Variants in ZBTB43 observed in about 807,000 individuals in gnomAD.
ZBTB43 encodes the protein zinc finger and BTB domain-containing protein 43.
A neutral mutation model predicts 31.1 loss-of-function variants in ZBTB43; 6 were observed. That is an observed-to-expected ratio of 0.19 (90% confidence interval 0.11 to 0.38). The LOEUF (loss-of-function observed/expected upper bound fraction) is 0.38. ZBTB43 is among the 10% of genes least tolerant of loss of function. The pLI, the probability that ZBTB43 is intolerant of heterozygous loss-of-function variation, is 1.00. For synonymous variants in ZBTB43, 212 were observed against 221.7 expected (o/e 0.96, Z 0.39); for missense variants, 379 against 602.1 (o/e 0.63, Z 3.88).
At chr9:126,819,355 T>C (rs924457132) in intron 2 of ZBTB43, among the ~76,000 whole-genome samples, 1 of 151,966 alleles carries the variant, frequency 6.6e-6, no homozygotes, top group East Asian at 1.9e-4. Flanking sequence ...AGCATCATTT[T>C]TCCTGTTGCA....
intron 2 of ZBTB43, among the ~76,000 whole-genome samples, chr9:126,827,102 CT>C (rs890105319): frequency 1.4e-4 from 22 of 152,214 alleles, no homozygotes; most frequent in Admixed American, 1.3e-3. Flanking sequence ...TGTACAATGA[CT>C]TTTCCTATTT....
chr9:126,818,803 G>C (rs1027897103), intron 2 of ZBTB43, among the ~76,000 whole-genome samples: 1 of 152,106 alleles, frequency 6.6e-6, no homozygotes, highest in Non-Finnish European at 1.5e-5. Flanking sequence ...TGTTCATAAG[G>C]GGTATTGGTC....
At position 126,806,773 on chromosome 9, in the gene ZBTB43, T is replaced by G. The variant is rs1290421811; in HGVS notation, c.-147+1641T>G. On this transcript the variant is annotated intron_variant, in intron 1 of 2. Transcript: ENST00000373464. The stretch of plus-strand genomic sequence containing the variant: ...CACAGTTGAACCTGTGTTTATTGAT[T>G]CCTACTCTCTTTACAGCAGTGGGTA... Among the ~76,000 whole-genome samples, 4 of 152,332 alleles carry G rather than the reference T, an allele frequency of 2.6e-5. No homozygotes were observed. In the South Asian group the frequency reaches 6.2e-4, roughly 24 times the overall value.
rs2032919932 is a variant in ZBTB43, at chr9:126,837,974, C to T, written c.*4061C>T. Reference sequence around the variant, plus strand: ...TGCAAGTCAGGTGACTCTTAGGCCACAAAACCATTTGATGATAAACAGATT... The same window carrying T: ...TGCAAGTCAGGTGACTCTTAGGCCATAAAACCATTTGATGATAAACAGATT... On this transcript the variant is annotated 3_prime_UTR_variant, in exon 3 of 3. Coordinates refer to ENST00000373464, the MANE Select transcript of ZBTB43 (RefSeq NM_014007.4). 6.0e-6 allele frequency: 1 copy of T among 166,862 alleles called. No individual in the cohort carries two copies. The highest frequency in any genetic ancestry group is 6.6e-5 in the Admixed American group (1 of 15,252). The allele number at this position is 166,862 out of a possible 1,614,324, so 10.3% of individuals were successfully genotyped here. A position where few individuals can be genotyped will look rare whatever the true frequency, so the allele number is the denominator to read the frequency against.
At chr9:126,812,052 C>T (rs1008199227) in intron 2 of ZBTB43, among the ~76,000 whole-genome samples, 1 of 152,066 alleles carries the variant, frequency 6.6e-6, no homozygotes, top group Non-Finnish European at 1.5e-5. Context: ...TGTCTCCCCT[C>T]AAAGAAACCC....
intron 2 of ZBTB43, among the ~76,000 whole-genome samples, chr9:126,823,324 T>G (rs1447889395): frequency 2.0e-5 from 3 of 152,254 alleles, no homozygotes; most frequent in African/African-American, 4.8e-5. Flanking sequence ...ATTGTTATAT[T>G]TTCTTGATAG....
Position 126,833,262 on chromosome 9 carries a change from A to G in ZBTB43, c.753A>G (p.Leu251=). 1 of 1,613,828 alleles carries G rather than the reference A, an allele frequency of 6.2e-7. No homozygotes were observed. The highest frequency in any genetic ancestry group is 8.5e-7 in the Non-Finnish European group (1 of 1,179,926). ...KRWIHVKPER[L]EQACEGMDVH... is the part of the protein sequence containing the mutation. ...GGATCCACGTGAAGCCCGAGCGCTT[A>G]GAACAGGCTTGCGAGGGCATGGATG... The change falls in exon 3 of 3, where the codon TTA becomes TTG. Residue 251 remains leucine, a synonymous_variant. Coordinates refer to ENST00000373464, the MANE Select transcript of ZBTB43 (RefSeq NM_014007.4). The surrounding 1 kb of genome is among the most constrained non-coding windows in gnomAD (Gnocchi z 7.9).
rs902126317 is a variant in ZBTB43 at position 126,833,508 on chromosome 9, T to G, written c.999T>G (p.Asn333Lys). ...EEFSGERSDG[N>K]LIGHRQEAAL... ...TTTCCGGAGAGAGGTCAGATGGGAA[T>G]CTAATTGGGCACAGACAGGAGGCTG... is the stretch of plus-strand genomic sequence containing the variant. The change falls in exon 3 of 3, where the codon AAT becomes AAG. Residue 333 changes from asparagine to lysine, a missense_variant. By Grantham distance (94) the Asn-to-Lys change is moderately conservative (BLOSUM62 0). This residue lies in a region of ZBTB43 where 253 missense variants were observed against 322.3 expected (regional missense o/e 0.79). Transcript: ENST00000373464. The surrounding 1 kb of genome is among the most constrained non-coding windows in gnomAD (Gnocchi z 7.9). 6.2e-7 allele frequency: 1 copy of G among 1,614,074 alleles called. No homozygotes were observed. The highest frequency in any genetic ancestry group is 8.5e-7 in the Non-Finnish European group (1 of 1,180,014).
intron 2 of ZBTB43, among the ~76,000 whole-genome samples, chr9:126,817,617 A>G (rs1348680062): frequency 6.6e-6 from 1 of 151,988 alleles, no homozygotes; most frequent in East Asian, 1.9e-4. Context: ...CTGGGACTAC[A>G]GGTGCCTGCC....
chr9:126,826,335 T>C (rs1444597545), intron 2 of ZBTB43, among the ~76,000 whole-genome samples: 1 of 151,474 alleles, frequency 6.6e-6, no homozygotes, highest in Non-Finnish European at 1.5e-5. Context: ...TTTGTAGAGA[T>C]GGGGTTTCAC....
At position 126,833,122 on chromosome 9, in the gene ZBTB43, C is replaced by G. The variant is rs372523361; in HGVS notation, c.613C>G (p.Arg205Gly). 2 of 1,613,916 alleles carry G rather than the reference C, an allele frequency of 1.2e-6. No homozygotes were observed. The highest frequency in any genetic ancestry group is 2.7e-5 in the African/African-American group (2 of 74,918). ...CAGCAACTCGTCCACAGAGCATGAC[C>G]GCCTGAGCACGGAAATGGCAAGCCA... ...LPSNSSTEHD[R>G]LSTEMASQDG... The change falls in exon 3 of 3, where the codon CGC (arginine) becomes GGC (glycine). Residue 205 changes from arginine (R) to glycine (G), a missense_variant. By Grantham distance (125) the Arg-to-Gly change is moderately radical. Transcript: ENST00000373464. The surrounding 1 kb of genome is among the most constrained non-coding windows in gnomAD (Gnocchi z 7.9).
chr9:126,807,041 G>A (rs901690761), intron 1 of ZBTB43, among the ~76,000 whole-genome samples: 3 of 152,136 alleles, frequency 2.0e-5, no homozygotes, highest in Non-Finnish European at 4.4e-5. Flanking sequence ...CGTTATGGGG[G>A]ATGCCTTTGT....
chr9:126,828,930 A>T (rs1243692796), intron 2 of ZBTB43, among the ~76,000 whole-genome samples: 1 of 152,160 alleles, frequency 6.6e-6, no homozygotes, highest in Admixed American at 6.5e-5. Flanking sequence ...ACCACAAATG[A>T]CCAGTAAACT....
chr9:126,825,877 ACT>A (rs1280821426), intron 2 of ZBTB43, among the ~76,000 whole-genome samples: 1 of 124,474 alleles, frequency 8.0e-6, no homozygotes, highest in African/African-American at 3.2e-5. Context: ...ATGGCGCATC[ACT>A]CTGTCGCCCA....
At chr9:126,808,026 TA>T (rs1309593938) in intron 1 of ZBTB43, among the ~76,000 whole-genome samples, 2 of 152,244 alleles carry the variant, frequency 1.3e-5, no homozygotes, top group African/African-American at 4.8e-5. Flanking sequence ...AAATATTTTT[TA>T]AAATTTGTCG....
At chr9:126,830,231 C>G (rs778775469) in intron 2 of ZBTB43, among the ~76,000 whole-genome samples, 2 of 152,234 alleles carry the variant, frequency 1.3e-5, no homozygotes, top group African/African-American at 4.8e-5. Flanking sequence ...AAAAAGGTAT[C>G]AGTCCCTAAC....
rs2032781945 is a variant in ZBTB43, at chr9:126,832,334, A to G, written c.-23-153A>G. On this transcript the variant is annotated intron_variant, in intron 2 of 2. Transcript: ENST00000373464. ...CTGCCTTTGGCAAACACGCACCTGC[A>G]AGCTTTGCTCTAGGGATTGAATCCC... 8.5e-6 allele frequency: 6 copies of G among 704,614 alleles called. No homozygotes were observed. The Admixed American group carries it at 1.8e-4, about 21-fold the overall frequency. The allele number at this position is 704,614 out of a possible 1,614,324, so 43.6% of individuals were successfully genotyped here. A position where few individuals can be genotyped will look rare whatever the true frequency, so the allele number is the denominator to read the frequency against.
rs558119027 is a variant in ZBTB43, at chr9:126,818,797, C to G, written c.-24+9882C>G. Reference sequence around the variant, plus strand: ...TTTTGTTGATATTTACTCCAGTGTTCATAAGGGGTATTGGTCTATAGTTTT... The same window carrying G: ...TTTTGTTGATATTTACTCCAGTGTTGATAAGGGGTATTGGTCTATAGTTTT... On this transcript the variant is annotated intron_variant, in intron 2 of 2. Transcript: ENST00000373464. Among the ~76,000 whole-genome samples the G allele has an allele frequency of 8.9e-4, 136 of 152,180 alleles. 5 individuals carry two copies. In the South Asian group the frequency reaches 0.021, roughly 23 times the overall value.
intron 1 of ZBTB43, among the ~76,000 whole-genome samples, chr9:126,807,371 A>G (rs2032149573): frequency 6.6e-6 from 1 of 152,364 alleles, no homozygotes. Context: ...GTTAAACTTA[A>G]CATTCCAAGT....
Sources: allele counts gnomAD v4.1 joint callset (sites outside exome capture counted in the v4.1 genomes callset), GRCh38; gene constraint gnomAD v4.1.1; regional missense constraint gnomAD v4.1.1; non-coding constraint Gnocchi (gnomAD v3.1); transcripts MANE v1.5; gene names NCBI Gene and HGNC (gene_info 2026-07-23, HGNC 2026-07-21).